MUC4: variants seen among roughly 807,000 people sequenced by gnomAD.
MUC4 encodes the protein mucin 4, cell surface associated, also known as mucin-4.
MUC4 carries 202 observed loss-of-function variants against 257.9 expected under a neutral mutation model. That is an observed-to-expected ratio of 0.78 (90% CI 0.70 to 0.88). The LOEUF is 0.88. MUC4 is among the 40% of genes least tolerant of loss of function. The pLI is 0.00. For missense variants in MUC4, 5,976 were observed against 6,513.7 expected (o/e 0.92, Z 2.84); for synonymous variants, 2,351 against 2,757.1 (o/e 0.85, Z 4.62).
intron 1 of MUC4, 78 bp downstream of exon 1, chr3:195,811,658 G>C (rs62282514): frequency 7.8e-7 from 1 of 1,276,812 alleles, no homozygotes; most frequent in South Asian, 1.3e-5. Flanking sequence ...CTGTCTCCCC[G>C]GACCTCTTTC....
At position 195,788,836 on chromosome 3, in the gene MUC4, G is replaced by C; in HGVS notation, c.2744C>G (p.Thr915Ser). 1.2e-6 allele frequency: 2 copies of C among 1,613,912 alleles called. No individual in the cohort carries two copies. The highest frequency in any genetic ancestry group is 1.3e-5 in the African/African-American group (1 of 75,008). ...SRMAQTQRTR[T>S]SRGSDTISLA... The stretch of plus-strand genomic sequence containing the variant: ...GCTGATAGTGTCAGACCCTCTGCTG[G>C]TTCTTGTCCTCTGAGTCTGGGCCAT... Residue 915 changes from threonine (T) to serine (S), a missense_variant, in exon 2 of 25, where the codon ACC becomes AGC. Transcript: ENST00000463781.
rs1208949443 is a variant in MUC4 at position 195,754,328 on chromosome 3, G to A, written c.15213C>T (p.Cys5071=). ...KCDGGTFGRY[C]EGSEDACEEP... is the part of the protein sequence containing the mutation. ...CCTCACAGGCATCCTCGGAGCCCTC[G>A]CAGTAGCGGCCGAAGGTGCCCCCGT... Residue 5071 remains cysteine (C), a synonymous_variant, in exon 19 of 25, where the codon TGC becomes TGT. Coordinates refer to ENST00000463781, the MANE Select transcript of MUC4 (RefSeq NM_018406.7). 1.9e-6 allele frequency: 3 copies of A among 1,612,382 alleles called. No individual in the cohort carries two copies. Among genetic ancestry groups the A allele is most frequent in the Non-Finnish European group, 2.5e-6 (3 of 1,179,718 alleles).
In MUC4 at chr3:195,785,577, A is replaced by G; in HGVS notation, c.6003T>C (p.Leu2001=). The change falls in exon 2 of 25, where the codon CTT becomes CTC. Residue 2001 remains leucine (L), a synonymous_variant. Transcript: ENST00000463781. ...SSVSTGHATP[L]PVTDTSSVST... is the part of the protein sequence containing the mutation. ...ATACTGAGGAAGTGTCGGTGACCGGAAGAGGGGTGGCATGACCTGTGGACA... is the reference window on the plus strand; with the variant it reads ...ATACTGAGGAAGTGTCGGTGACCGGGAGAGGGGTGGCATGACCTGTGGACA... 1 of 1,531,448 alleles carries G rather than the reference A, an allele frequency of 6.5e-7. No individual in the cohort carries two copies. Among genetic ancestry groups the G allele is most frequent in the South Asian group, 1.2e-5 (1 of 83,330 alleles). 94.9% of individuals were successfully genotyped at this position (1,531,448 alleles called of 1,614,324 possible).
chr3:195,805,319 AC>A (rs1183632657), intron 1 of MUC4, among the ~76,000 whole-genome samples: 1 of 152,068 alleles, frequency 6.6e-6, no homozygotes, highest in East Asian at 1.9e-4. Context: ...GGTGATCGCC[AC>A]AGAAGCTCCA....
intron 17 of MUC4, among the ~76,000 whole-genome samples, chr3:195,758,014 A>G (rs1560233819): frequency 6.6e-6 from 1 of 152,218 alleles, no homozygotes; most frequent in Non-Finnish European, 1.5e-5. Flanking sequence ...AAAGGGATGC[A>G]GGCAAAGCAG....
intron 14 of MUC4, 35 bp from the exon 15 acceptor site, chr3:195,761,620 C>T (rs1192419703): frequency 6.6e-7 from 1 of 1,525,016 alleles, no homozygotes; most frequent in Non-Finnish European, 9.1e-7. Context: ...CCACCCTGGG[C>T]ACGCGGCTGT....
intron 1 of MUC4, among the ~76,000 whole-genome samples, chr3:195,798,325 G>C (rs1734806053): frequency 6.6e-6 from 1 of 152,160 alleles, no homozygotes; most frequent in Admixed American, 6.6e-5. Flanking sequence ...ACGTGCATTT[G>C]GGAACATTTA....
Position 195,784,302 on chromosome 3 carries a change from G to C in MUC4, c.7278C>G (p.Ser2426=). Residue 2426 remains serine (S), a synonymous_variant, in exon 2 of 25, where the codon TCC becomes TCG. Coordinates refer to ENST00000463781, the MANE Select transcript of MUC4 (RefSeq NM_018406.7). ...CAGGAAGACGGGTGGTGTCACCTGT[G>C]GAAGCTGAGGAAAGGCCGGTGACAG... ...HLPVTGLSSA[S]TGDTTRLPVT... The C allele has an allele frequency of 1.4e-6, 2 of 1,423,616 alleles. No homozygotes were observed. The highest frequency in any genetic ancestry group is 1.9e-6 in the Non-Finnish European group (2 of 1,052,610). The allele number at this position is 1,423,616 out of a possible 1,614,324, so 88.2% of individuals were successfully genotyped here.
At chr3:195,793,911 A>G (rs1237409735) in intron 1 of MUC4, among the ~76,000 whole-genome samples, 1 of 152,138 alleles carries the variant, frequency 6.6e-6, no homozygotes, top group Admixed American at 6.5e-5. Flanking sequence ...CAAGAAGCTA[A>G]TATTATTGAC....
chr3:195,805,836 C>T (rs1191601448), intron 1 of MUC4, among the ~76,000 whole-genome samples: 1 of 152,074 alleles, frequency 6.6e-6, no homozygotes, highest in East Asian at 1.9e-4. Context: ...ATAATCTGGG[C>T]CGGGCGCAGT....
At position 195,765,300 on chromosome 3, in the gene MUC4, G is replaced by A. The variant is rs771025334; in HGVS notation, c.13768C>T (p.Arg4590Trp). 7.4e-6 allele frequency: 12 copies of A among 1,613,342 alleles called. No individual in the cohort carries two copies. Among genetic ancestry groups the A allele is most frequent in the South Asian group, 4.4e-5 (4 of 91,026 alleles). The change falls in exon 9 of 25, where the codon CGG becomes TGG. Residue 4590 changes from arginine (R) to tryptophan (W), a missense_variant. Around this residue, in one of 44 missense-constraint regions of MUC4, gnomAD observed 996 missense variants for 1,137.3 expected, o/e 0.88. Coordinates refer to ENST00000463781, the MANE Select transcript of MUC4 (RefSeq NM_018406.7). ...CTGACGGGTTGGAATCGTAAGTCCC[G>A]TCGTCCCTGCTGCCAGGAACAAGGG... ...SCPCSWQQGR[R>W]DLRFQPVSIG... is the part of the protein sequence containing the mutation.
chr3:195,772,355 G>A (rs1472871657), intron 4 of MUC4, among the ~76,000 whole-genome samples: 1 of 127,422 alleles, frequency 7.8e-6, no homozygotes, highest in African/African-American at 2.9e-5. Context: ...TCTCTCCATC[G>A]CTCAGGGGTG....
chr3:195,781,245 G>T lies in MUC4; in HGVS notation c.10335C>A (p.Ser3445Arg), dbSNP rs199718961. The T allele has an allele frequency of 6.7e-7, 1 of 1,484,882 alleles. No homozygotes were observed. Among genetic ancestry groups the T allele is most frequent in the Non-Finnish European group, 9.0e-7 (1 of 1,110,044 alleles). The allele number at this position is 1,484,882 out of a possible 1,614,324, so 92.0% of individuals were successfully genotyped here. ...TGTGACCTGTAGATGCTGAGGAAGT[G>T]CTGGTGACAGGAACAGGGGTGGCGT... ...TGHATPVPVTSTSSASTGHTT... is the reference protein window; with the variant it reads ...TGHATPVPVTRTSSASTGHTT... Residue 3445 changes from serine to arginine, a missense_variant, in exon 2 of 25, where the codon AGC becomes AGA. This residue lies in a region of MUC4 where 297 missense variants were observed against 240.9 expected (regional missense o/e 1.23). Coordinates refer to ENST00000463781, the MANE Select transcript of MUC4 (RefSeq NM_018406.7).
intron 16 of MUC4, among the ~76,000 whole-genome samples, chr3:195,760,488 AG>A (rs377639097): frequency 0.044 from 2,047 of 46,898 alleles, 190 homozygotes; most frequent in African/African-American, 0.12. Flanking sequence ...GCTAGGATGG[AG>A]TGGAGGGGGC....
chr3:195,776,456 GCACCCATACCTTCCA>G lies in MUC4; in HGVS notation c.12943+1832_12943+1846del, dbSNP rs1560286665. On this transcript the variant is annotated intron_variant, in intron 3 of 24. Coordinates refer to ENST00000463781, the MANE Select transcript of MUC4 (RefSeq NM_018406.7). ...CATACCTTCCGCACCCATACCTTCC[GCACCCATACCTTCCA>G]CACCCATACCTTCCGCATCCATACC... 2.4e-3 allele frequency among the ~76,000 whole-genome samples: 30 copies of G among 12,298 alleles called. 3 individuals carry two copies. The highest frequency in any genetic ancestry group is 2.8e-3 in the Non-Finnish European group (23 of 8,112). The allele number at this position is 12,298 out of a possible 152,430, so 8.1% of individuals were successfully genotyped here.
At chr3:195,752,900 C>A in intron 20 of MUC4, 151 bp downstream of exon 20, 1 of 760,698 alleles carries the variant, frequency 1.3e-6, no homozygotes, top group Non-Finnish European at 2.1e-6. Context: ...GCTCCCATAG[C>A]CCGCACCTTA....
At chr3:195,761,902 A>G (rs1290070931) in intron 14 of MUC4, among the ~76,000 whole-genome samples, 185 bp downstream of exon 14, 1 of 152,108 alleles carries the variant, frequency 6.6e-6, no homozygotes, top group African/African-American at 2.4e-5. Context: ...GGCGGAGGAC[A>G]GGAAGGGAGC....
Position 195,779,953 on chromosome 3 carries a change from G to C in MUC4, c.11627C>G (p.Thr3876Ser), listed in dbSNP as rs1287424205. The stretch of plus-strand genomic sequence containing the variant: ...ACCTGTGGAAGCTGAGGAAAGGCCG[G>C]TAACAGGAAGAGGGGTGGCGTGACC... ...STGHATPLPV[T>S]GLSSASTGDT... The change falls in exon 2 of 25, where the codon ACC (threonine) becomes AGC (serine). Residue 3876 changes from threonine to serine, a missense_variant. Thr to Ser is a moderately conservative substitution (Grantham distance 58). This residue lies in a region of MUC4 where 330 missense variants were observed against 262.0 expected (regional missense o/e 1.26). Coordinates refer to ENST00000463781, the MANE Select transcript of MUC4 (RefSeq NM_018406.7). The C allele has an allele frequency of 1.4e-6, 2 of 1,475,330 alleles. No homozygotes were observed. The highest frequency in any genetic ancestry group is 1.8e-6 in the Non-Finnish European group (2 of 1,113,926). The allele number at this position is 1,475,330 out of a possible 1,614,324, so 91.4% of individuals were successfully genotyped here. A position where few individuals can be genotyped will look rare whatever the true frequency, so the allele number is the denominator to read the frequency against.
Position 195,790,344 on chromosome 3 carries a change from T to C in MUC4, c.1236A>G (p.Leu412=), listed in dbSNP as rs376774582. 44 of 1,613,950 alleles carry C rather than the reference T, an allele frequency of 2.7e-5. No homozygotes were observed. In the East Asian group the frequency reaches 8.9e-4, roughly 33 times the overall value. Reference sequence around the variant, plus strand: ...TTGCAGAAATGGTTCCACTTACAGATAGTGATGTCTCCTCTGTGTTTCCAA... The same window carrying C: ...TTGCAGAAATGGTTCCACTTACAGACAGTGATGTCTCCTCTGTGTTTCCAA... The part of the protein sequence containing the change: ...STLGNTEETS[L]SVSGTISAIT... The change falls in exon 2 of 25, where the codon CTA becomes CTG. Residue 412 remains leucine (L), a synonymous_variant. Transcript: ENST00000463781.
Sources: gnomAD v4.1 joint callset for allele counts (sites outside exome capture counted in the v4.1 genomes callset) on GRCh38, gnomAD v4.1.1 for gene constraint, gnomAD v4.1.1 regional missense constraint, MANE v1.5 for transcripts, NCBI Gene and HGNC (gene_info 2026-07-23, HGNC 2026-07-21) for gene names.